Variants in STIP1 observed in about 807,000 individuals in gnomAD.
STIP1 encodes stress-induced-phosphoprotein 1.
In STIP1, 16 loss-of-function variants were observed where a neutral mutation model predicts 77.4. The ratio of observed to expected loss-of-function variants is 0.21; its 90% CI spans 0.14 to 0.31. The LOEUF (loss-of-function observed/expected upper bound fraction) is 0.31, where lower values mean the gene tolerates loss of function less well. Ranked by LOEUF, STIP1 falls within the 10% of genes least tolerant of loss-of-function variation. STIP1 has a pLI of 1.00. For missense variants in STIP1, 524 were observed against 684.8 expected, an observed-to-expected ratio of 0.77 and a Z score of 2.62; for synonymous variants, 258 against 246.6, an observed-to-expected ratio of 1.05 and a Z score of -0.44.
chr11:64,191,403 C>G (rs984381173), intron 1 of STIP1, among the ~76,000 whole-genome samples: 1 of 151,742 alleles, frequency 6.6e-6, no homozygotes, highest in East Asian at 1.9e-4. Flanking sequence ...GTCAGGAGTT[C>G]GAGACCAGCC....
chr11:64,187,683 A>T (rs1946040573), intron 1 of STIP1, among the ~76,000 whole-genome samples: 1 of 152,204 alleles, frequency 6.6e-6, no homozygotes, highest in African/African-American at 2.4e-5. Context: ...GATTTCTGGA[A>T]TAAGACGTTG....
rs1387060324 is a variant in STIP1 at position 64,203,795 on chromosome 11, G to T, written c.1559+173G>T. 4 of 781,222 alleles carry T rather than the reference G, an allele frequency of 5.1e-6. No homozygotes were observed. In the Admixed American group the frequency reaches 7.9e-5, roughly 15 times the overall value. The allele number at this position is 781,222 out of a possible 1,614,324, so 48.4% of individuals were successfully genotyped here. A position where few individuals can be genotyped will look rare whatever the true frequency, so the allele number is the denominator to read the frequency against. On this transcript the variant is annotated intron_variant, in intron 13 of 13. Transcript: ENST00000305218. Reference sequence around the variant, plus strand: ...GCGAGCTGGAAGGGCTTTGTTAGTCGTGATAGCTTAAGCAGTCATTTGGAA... The same window carrying T: ...GCGAGCTGGAAGGGCTTTGTTAGTCTTGATAGCTTAAGCAGTCATTTGGAA...
intron 1 of STIP1, among the ~76,000 whole-genome samples, chr11:64,190,503 CGG>C: frequency 6.6e-6 from 1 of 151,934 alleles, no homozygotes; most frequent in Non-Finnish European, 1.5e-5. Context: ...GTAGTAGAGA[CGG>C]GGTTTCACCA....
At position 64,197,267 on chromosome 11, in the gene STIP1, C is replaced by G. The variant is rs764527719; in HGVS notation, c.673-4C>G. 1 of 1,614,000 alleles carries G rather than the reference C, an allele frequency of 6.2e-7. No individual in the cohort carries two copies. Among genetic ancestry groups the G allele is most frequent in the African/African-American group, 1.3e-5 (1 of 74,986 alleles). On this transcript the variant is annotated splice_polypyrimidine_tract_variant and splice_region_variant and intron_variant, in intron 5 of 13. Coordinates refer to ENST00000305218, the MANE Select transcript of STIP1 (RefSeq NM_006819.3). ...CTCAGCACTCACTTCTAAACCTCAT[C>G]TAGGCACTGAAAGAAAAAGAGCTGG...
At chr11:64,185,964 G>C, upstream of STIP1, 1 of 1,538,580 alleles carries the variant, frequency 6.5e-7, no homozygotes, top group Admixed American at 2.0e-5. Flanking sequence ...CATTCGTGGA[G>C]CCTGAGATGG....
In STIP1 at chr11:64,195,741, A is replaced by G; in HGVS notation, c.600A>G (p.Pro200=). 2.5e-6 allele frequency: 4 copies of G among 1,614,122 alleles called. No homozygotes were observed. The highest frequency in any genetic ancestry group is 2.5e-6 in the Non-Finnish European group (3 of 1,180,012). The change falls in exon 5 of 14, where the codon CCA becomes CCG. Residue 200 remains proline, a synonymous_variant. Coordinates refer to ENST00000305218, the MANE Select transcript of STIP1 (RefSeq NM_006819.3). The part of the protein sequence containing the change: ...MDEEEEIATP[P]PPPPPKKETK... ...AGGAGGAAGAGATTGCAACACCTCC[A>G]CCACCACCCCCTCCCAAAAAGGAGA... is the stretch of plus-strand genomic sequence containing the variant.
chr11:64,186,715 C>G (rs1392287842), intron 1 of STIP1, among the ~76,000 whole-genome samples: 1 of 152,186 alleles, frequency 6.6e-6, no homozygotes. Flanking sequence ...CCGCTCGGGA[C>G]TTAGCCACGA....
Position 64,193,990 on chromosome 11 carries a change from G to A in STIP1, c.220-199G>A, listed in dbSNP as rs566912126. 2.9e-3 allele frequency among the ~76,000 whole-genome samples: 445 copies of A among 152,334 alleles called. 4 individuals carry two copies. The highest frequency in any genetic ancestry group is 0.026 in the South Asian group (126 of 4,822). On this transcript the variant is annotated intron_variant, in intron 2 of 13. Transcript: ENST00000305218. ...CGATCAGAGGTGAACAAGGCGGGGC[G>A]GATGTGCCTCTGCTATTTGGATGGA...
chr11:64,201,175 G>A (rs1591015104), intron 10 of STIP1, among the ~76,000 whole-genome samples: 3 of 152,204 alleles, frequency 2.0e-5, no homozygotes, highest in Admixed American at 2.0e-4. Flanking sequence ...GAGTAGCTGG[G>A]ACTACAGGTG....
chr11:64,185,516 G>A (rs1038179582), upstream of STIP1: 11 of 394,520 alleles, frequency 2.8e-5, no homozygotes, highest in South Asian at 6.2e-5. Flanking sequence ...GGCGCTCGAG[G>A]GACAGGCAGC....
At chr11:64,200,595 G>A (rs932032811) in intron 10 of STIP1, among the ~76,000 whole-genome samples, 6 of 63,066 alleles carry the variant, frequency 9.5e-5, no homozygotes, top group Admixed American at 7.0e-4. Context: ...CTGGTCGTGT[G>A]TGTGTGTGTG....
chr11:64,201,559 C>T (rs931522074), intron 10 of STIP1, among the ~76,000 whole-genome samples: 1 of 152,134 alleles, frequency 6.6e-6, no homozygotes, highest in African/African-American at 2.4e-5. Flanking sequence ...AGCTGACAAA[C>T]CTGGACCGTA....
At chr11:64,193,969 C>T (rs1265013196) in intron 2 of STIP1, among the ~76,000 whole-genome samples, 3 of 152,220 alleles carry the variant, frequency 2.0e-5, no homozygotes, top group African/African-American at 7.2e-5. Flanking sequence ...CACAGTCGAT[C>T]AGAGGTGAAC....
At chr11:64,193,884 A>G (rs1228641358) in intron 2 of STIP1, among the ~76,000 whole-genome samples, 4 of 152,184 alleles carry the variant, frequency 2.6e-5, no homozygotes, top group Non-Finnish European at 4.4e-5. Flanking sequence ...AAGGTTTGGG[A>G]CCAGCCTGGG....
intron 8 of STIP1, among the ~76,000 whole-genome samples, chr11:64,198,742 T>G (rs1386239961): frequency 2.0e-5 from 3 of 147,212 alleles, no homozygotes; most frequent in African/African-American, 7.4e-5. Flanking sequence ...GATCTGGTGT[T>G]TTTTTTTGTG....
rs540428466 is a variant in STIP1 at position 64,203,323 on chromosome 11, ATTTCTCTCTG to A, written c.1386+105_1387-108del. On this transcript the variant is annotated intron_variant, in intron 12 of 13. Transcript: ENST00000305218. ...CCCTGATTTCTTCCCTGTCACCTCCATTTCTCTCTGTTTCTCTCTTACTTGTTCTCTCTCC... is the reference window on the plus strand; with the variant it reads ...CCCTGATTTCTTCCCTGTCACCTCCATTTCTCTCTTACTTGTTCTCTCTCC... 241 of 1,578,992 alleles carry A rather than the reference ATTTCTCTCTG, an allele frequency of 1.5e-4. 2 individuals carry two copies. The South Asian group carries it at 2.4e-3, about 15-fold the overall frequency.
chr11:64,188,064 C>T (rs1220502289), intron 1 of STIP1, among the ~76,000 whole-genome samples: 2 of 146,878 alleles, frequency 1.4e-5, no homozygotes, highest in East Asian at 2.0e-4. Flanking sequence ...AAAAGGATCT[C>T]GGCTGGGCGC....
At chr11:64,200,108 G>A in intron 9 of STIP1, 61 bp from the exon 10 acceptor site, 1 of 1,612,380 alleles carries the variant, frequency 6.2e-7, no homozygotes, top group South Asian at 1.1e-5. Context: ...TGGGGTAAAT[G>A]GCCGGCTACA....
At chr11:64,192,226 A>C (rs1441199214) in intron 1 of STIP1, among the ~76,000 whole-genome samples, 1 of 152,190 alleles carries the variant, frequency 6.6e-6, no homozygotes, top group Non-Finnish European at 1.5e-5. Context: ...AGGCAGGAGA[A>C]TCGCTTGAAC....
Sources: gnomAD v4.1 joint callset for allele counts (sites outside exome capture counted in the v4.1 genomes callset) on GRCh38, gnomAD v4.1.1 for gene constraint, MANE v1.5 for transcripts, NCBI Gene and HGNC (gene_info 2026-07-23, HGNC 2026-07-21) for gene names.